Variants in ASAP1 observed in about 807,000 individuals in gnomAD.
ASAP1 encodes ArfGAP with SH3 domain, ankyrin repeat and PH domain 1.
In ASAP1, 43 loss-of-function variants were observed where a neutral mutation model predicts 145.2. That is an observed-to-expected ratio of 0.30 (90% CI 0.23 to 0.38). The LOEUF is 0.38. Ranked by LOEUF, ASAP1 falls within the 10% of genes least tolerant of loss-of-function variation. ASAP1 has a pLI of 1.00. For missense variants in ASAP1, 1,018 were observed against 1,355.3 expected (o/e 0.75, Z 3.91); for synonymous variants, 546 against 515.5 (o/e 1.06, Z -0.80).
intron 3 of ASAP1, among the ~76,000 whole-genome samples, chr8:130,267,123 CA>C (rs759131217): frequency 0.041 from 4,287 of 104,256 alleles, 83 homozygotes; most frequent in Middle Eastern, 0.082. Flanking sequence ...AACAAACAAA[CA>C]AAAAAAAAAC....
rs565920147 is a variant in ASAP1 at position 130,270,879 on chromosome 8, T to C, written c.187-33885A>G. Among the ~76,000 whole-genome samples the C allele has an allele frequency of 6.7e-5, 10 of 150,360 alleles. No homozygotes were observed. The East Asian group carries it at 1.5e-3, about 23-fold the overall frequency. On this transcript the variant is annotated intron_variant, in intron 3 of 29. Transcript: ENST00000518721. ...TAATGAATTGAGTTAATCCTCCTTTTTTGAAACAGAAATCTTTCCTGTAAG... is the reference window on the plus strand; with the variant it reads ...TAATGAATTGAGTTAATCCTCCTTTCTTGAAACAGAAATCTTTCCTGTAAG...
At chr8:130,356,176 G>A (rs1586896918) in intron 3 of ASAP1, among the ~76,000 whole-genome samples, 1 of 152,142 alleles carries the variant, frequency 6.6e-6, no homozygotes, top group Admixed American at 6.5e-5. Flanking sequence ...AGGGTTGCTG[G>A]AAAATATGCT....
chr8:130,148,891 G>A (rs2097639465), intron 13 of ASAP1, among the ~76,000 whole-genome samples: 1 of 151,952 alleles, frequency 6.6e-6, no homozygotes, highest in African/African-American at 2.4e-5. Flanking sequence ...CTGGAGTGCA[G>A]TGGCGCAATC....
chr8:130,054,629 T>A lies in ASAP1; in HGVS notation c.*102A>T, dbSNP rs1348748636. 8.9e-6 allele frequency: 9 copies of A among 1,016,212 alleles called. No homozygotes were observed. The highest frequency in any genetic ancestry group is 1.4e-5 in the Non-Finnish European group (9 of 647,334). 62.9% of individuals were successfully genotyped at this position (1,016,212 alleles called of 1,614,324 possible). ...TCCTGAGGTGGCCCTTCCATGAGTT[T>A]CTTACTCTGTAACAGCAGCTATATA... On this transcript the variant is annotated 3_prime_UTR_variant, in exon 30 of 30. Transcript: ENST00000518721.
At chr8:130,093,194 C>T (rs776055402) in intron 24 of ASAP1, among the ~76,000 whole-genome samples, 6 of 152,006 alleles carry the variant, frequency 3.9e-5, no homozygotes, top group Admixed American at 1.3e-4. Flanking sequence ...AAATGGGGTT[C>T]GTTTTTAAAA....
intron 3 of ASAP1, among the ~76,000 whole-genome samples, chr8:130,266,187 G>A (rs1415445205): frequency 6.6e-6 from 1 of 152,160 alleles, no homozygotes; most frequent in Non-Finnish European, 1.5e-5. Flanking sequence ...AGCACAGAGA[G>A]ATGCAAGAAA....
chr8:130,357,701 T>C (rs1350052578), intron 3 of ASAP1, among the ~76,000 whole-genome samples: 1 of 152,074 alleles, frequency 6.6e-6, no homozygotes, highest in Non-Finnish European at 1.5e-5. Flanking sequence ...TACAGGAGGG[T>C]CACGAAGATG....
chr8:130,086,004 C>T (rs1270176792), intron 25 of ASAP1, among the ~76,000 whole-genome samples: 2 of 152,162 alleles, frequency 1.3e-5, no homozygotes, highest in African/African-American at 4.8e-5. Context: ...AGCGCAGGAG[C>T]TGCATACCAG....
At chr8:130,421,229 G>A (rs1034219962) in intron 1 of ASAP1, among the ~76,000 whole-genome samples, 4 of 152,192 alleles carry the variant, frequency 2.6e-5, no homozygotes, top group African/African-American at 9.7e-5. Context: ...AGAGTTGGGA[G>A]GGACTTTGGA....
chr8:130,135,969 C>T (rs2097593700), intron 14 of ASAP1, among the ~76,000 whole-genome samples: 1 of 152,182 alleles, frequency 6.6e-6, no homozygotes, highest in East Asian at 1.9e-4. Flanking sequence ...CACACAACTG[C>T]ATCAGAAAGG....
chr8:130,424,687 TG>T (rs988204900), intron 1 of ASAP1, among the ~76,000 whole-genome samples: 1 of 152,206 alleles, frequency 6.6e-6, no homozygotes, highest in Admixed American at 6.5e-5. Context: ...AGACAGGTAC[TG>T]CACTTACAAG....
At chr8:130,115,486 A>G in intron 23 of ASAP1, 142 bp downstream of exon 23, 3 of 683,294 alleles carry the variant, frequency 4.4e-6, no homozygotes, top group Non-Finnish European at 7.8e-6. Context: ...GGTGCCCAAT[A>G]AGGACTGAAC....
At position 130,422,898 on chromosome 8, in the gene ASAP1, C is replaced by T. The variant is rs1587017417; in HGVS notation, c.-28+20562G>A. ...TAACATGGAATGATAAAGATGGATC[C>T]GGAAACAACCTCAAATATCCATCTG... On this transcript the variant is annotated intron_variant, in intron 1 of 29. Coordinates refer to ENST00000518721, the MANE Select transcript of ASAP1 (RefSeq NM_018482.4). Among the ~76,000 whole-genome samples, 3 of 152,244 alleles carry T rather than the reference C, an allele frequency of 2.0e-5. 1 individual carries two copies.
At chr8:130,176,410 A>T (rs558660932) in intron 9 of ASAP1, among the ~76,000 whole-genome samples, 6 of 152,228 alleles carry the variant, frequency 3.9e-5, no homozygotes, top group Non-Finnish European at 8.8e-5. Context: ...GCTATGATAG[A>T]GTTCTTGGGG....
intron 4 of ASAP1, among the ~76,000 whole-genome samples, chr8:130,219,950 C>T (rs565393555): frequency 5.5e-4 from 83 of 152,160 alleles, no homozygotes; most frequent in African/African-American, 1.7e-3. Context: ...CCATCATGAC[C>T]GGCTAATTTT....
rs74793716 is a variant in ASAP1, at chr8:130,249,963, G to C, written c.187-12969C>G. ...AAAATCACGTATTTTCAAATCCTAG[G>C]AACATTATTCTTCTCTCTTAGCATG... On this transcript the variant is annotated intron_variant, in intron 3 of 29. Transcript: ENST00000518721. Among the ~76,000 whole-genome samples the C allele has an allele frequency of 8.1e-3, 1,238 of 152,008 alleles. 8 individuals carry two copies. Among genetic ancestry groups the C allele is most frequent in the Non-Finnish European group, 0.013 (915 of 67,984 alleles).
chr8:130,434,535 T>A (rs1830242941), intron 1 of ASAP1, among the ~76,000 whole-genome samples: 1 of 152,166 alleles, frequency 6.6e-6, no homozygotes, highest in Non-Finnish European at 1.5e-5. Flanking sequence ...GAGCAATACA[T>A]AATAGCTATC....
intron 3 of ASAP1, among the ~76,000 whole-genome samples, chr8:130,341,952 G>A (rs1368278632): frequency 6.6e-6 from 1 of 152,180 alleles, no homozygotes; most frequent in Non-Finnish European, 1.5e-5. Context: ...ACCCTGTAAG[G>A]TGTGACAGGA....
At chr8:130,158,655 G>A (rs908046300) in intron 12 of ASAP1, among the ~76,000 whole-genome samples, 3 of 152,176 alleles carry the variant, frequency 2.0e-5, no homozygotes, top group African/African-American at 4.8e-5. Flanking sequence ...ACAAGATGAG[G>A]TGGGACAGGA....
Sources: allele counts gnomAD v4.1 joint callset (sites outside exome capture counted in the v4.1 genomes callset), GRCh38; gene constraint gnomAD v4.1.1; transcripts MANE v1.5; gene names NCBI Gene and HGNC (gene_info 2026-07-23, HGNC 2026-07-21).